PRRX1: variants seen among roughly 807,000 people sequenced by gnomAD.
PRRX1 encodes paired mesoderm homeobox protein 1.
Under a neutral mutation model 24.0 loss-of-function variants are expected in PRRX1, and 8 were observed. The ratio of observed to expected loss-of-function variants is 0.33; its 90% CI spans 0.20 to 0.60. The LOEUF (loss-of-function observed/expected upper bound fraction) is 0.60. Among genes scored for constraint, PRRX1 ranks in the 20% least tolerant of loss-of-function variants. The pLI, the probability that PRRX1 is intolerant of heterozygous loss-of-function variation, is 0.82. For synonymous variants in PRRX1, 160 were observed against 131.7 expected, an observed-to-expected ratio of 1.22 and a Z score of -1.47; for missense variants, 281 against 322.4, an observed-to-expected ratio of 0.87 and a Z score of 0.98.
chr1:170,688,305 AACTGG>A (rs780399732), intron 1 of PRRX1, among the ~76,000 whole-genome samples: 10 of 152,090 alleles, frequency 6.6e-5, no homozygotes, highest in Non-Finnish European at 1.2e-4. Flanking sequence ...ATATTTCTGA[AACTGG>A]ACTGTACTGA....
At chr1:170,720,744 G>A (rs1466609959) in intron 2 of PRRX1, among the ~76,000 whole-genome samples, 2 of 152,160 alleles carry the variant, frequency 1.3e-5, no homozygotes, top group Non-Finnish European at 1.5e-5. Flanking sequence ...TTTTCCTTCA[G>A]TGTCTCTGTG....
chr1:170,674,793 A>C (rs989445124), intron 1 of PRRX1, among the ~76,000 whole-genome samples: 1 of 152,162 alleles, frequency 6.6e-6, no homozygotes, highest in Non-Finnish European at 1.5e-5. Context: ...CCAAAGTGTA[A>C]TACATGTTCA....
intron 3 of PRRX1, among the ~76,000 whole-genome samples, chr1:170,735,437 C>T (rs1227556819): frequency 3.9e-5 from 6 of 152,130 alleles, no homozygotes; most frequent in African/African-American, 1.2e-4. Context: ...AAATCAAGGC[C>T]AGTGGCTTAG....
At position 170,737,508 on chromosome 1, in the gene PRRX1, C is replaced by A; in HGVS notation, c.*1322C>A. On this transcript the variant is annotated 3_prime_UTR_variant, in exon 4 of 4. Coordinates refer to ENST00000239461, the MANE Select transcript of PRRX1 (RefSeq NM_022716.4). ...TTGCAGTTAGAGAGAGTAAGGAATACCATTTAGTCATCTATCCGTTCTTCA... is the reference window on the plus strand; with the variant it reads ...TTGCAGTTAGAGAGAGTAAGGAATAACATTTAGTCATCTATCCGTTCTTCA... The A allele has an allele frequency of 4.8e-6, 1 of 207,422 alleles. No homozygotes were observed. Among genetic ancestry groups the A allele is most frequent in the Non-Finnish European group, 9.8e-6 (1 of 101,638 alleles). The allele number at this position is 207,422 out of a possible 1,614,324, so 12.8% of individuals were successfully genotyped here.
chr1:170,705,962 AC>A (rs1654550648), intron 1 of PRRX1, among the ~76,000 whole-genome samples: 1 of 150,288 alleles, frequency 6.7e-6, no homozygotes, highest in African/African-American at 2.5e-5. Context: ...ACACACACAC[AC>A]ACACAAACAT....
Position 170,737,331 on chromosome 1 carries a change from A to C in PRRX1, c.*1145A>C, listed in dbSNP as rs908164961. 1.1e-4 allele frequency: 21 copies of C among 190,502 alleles called. No individual in the cohort carries two copies. The highest frequency in any genetic ancestry group is 1.9e-4 in the Non-Finnish European group (17 of 90,694). The allele number at this position is 190,502 out of a possible 1,614,324, so 11.8% of individuals were successfully genotyped here. A position where few individuals can be genotyped will look rare whatever the true frequency, so the allele number is the denominator to read the frequency against. ...TACACGAAGTTTTCATTAAAGCCAC[A>C]GAATAATTGATAGGGCAGCTGTTTG... On this transcript the variant is annotated 3_prime_UTR_variant, in exon 4 of 4. Coordinates refer to ENST00000239461, the MANE Select transcript of PRRX1 (RefSeq NM_022716.4).
At position 170,680,863 on chromosome 1, in the gene PRRX1, C is replaced by T. The variant is rs187094831; in HGVS notation, c.241+16404C>T. 3.9e-5 allele frequency among the ~76,000 whole-genome samples: 6 copies of T among 152,326 alleles called. No individual in the cohort carries two copies. In the East Asian group the frequency reaches 1.2e-3, roughly 29 times the overall value. On this transcript the variant is annotated intron_variant, in intron 1 of 3. Coordinates refer to ENST00000239461, the MANE Select transcript of PRRX1 (RefSeq NM_022716.4). ...GCATATTGCTTCCATAGAAAGACAA[C>T]TCCAGAACCATGTAGGAGTGACTTC...
intron 2 of PRRX1, among the ~76,000 whole-genome samples, chr1:170,720,871 G>T (rs957870019): frequency 1.3e-5 from 2 of 152,140 alleles, no homozygotes; most frequent in Non-Finnish European, 2.9e-5. Context: ...TACAACCTGC[G>T]ATTAACTCAT....
intron 1 of PRRX1, among the ~76,000 whole-genome samples, chr1:170,674,236 G>A (rs554978675): frequency 8.7e-4 from 130 of 150,280 alleles, no homozygotes; most frequent in South Asian, 1.9e-3. Context: ...GCTTGCGCAC[G>A]CACGCACACA....
intron 1 of PRRX1, among the ~76,000 whole-genome samples, chr1:170,711,547 T>C (rs1432360634): frequency 1.3e-5 from 2 of 152,226 alleles, no homozygotes; most frequent in Non-Finnish European, 2.9e-5. Context: ...TTAGAACCTG[T>C]GCTTACCAGA....
chr1:170,734,000 A>G (rs1655523687), intron 3 of PRRX1, among the ~76,000 whole-genome samples: 1 of 152,078 alleles, frequency 6.6e-6, no homozygotes. Context: ...TTAACTGGGA[A>G]CTCTTCTGCT....
intron 3 of PRRX1, chr1:170,730,488 G>A: frequency 1.4e-6 from 1 of 690,550 alleles, no homozygotes; most frequent in African/African-American, 1.8e-5. Flanking sequence ...TTGGTAACCA[G>A]AGCTGCAAGA....
At chr1:170,723,348 C>A (rs572685717) in intron 2 of PRRX1, among the ~76,000 whole-genome samples, 34 of 150,508 alleles carry the variant, frequency 2.3e-4, no homozygotes, top group African/African-American at 8.3e-4. Flanking sequence ...TTCTCCCATA[C>A]CTTGTTATAC....
intron 1 of PRRX1, among the ~76,000 whole-genome samples, chr1:170,676,342 CT>C (rs1653319072): frequency 6.8e-6 from 1 of 147,008 alleles, no homozygotes; most frequent in East Asian, 2.0e-4. Context: ...TTTTTTTTTT[CT>C]TTACTTCACA....
At chr1:170,704,025 T>C (rs185057492) in intron 1 of PRRX1, among the ~76,000 whole-genome samples, 6 of 152,320 alleles carry the variant, frequency 3.9e-5, no homozygotes, top group Admixed American at 2.0e-4. Flanking sequence ...AAGGTAAAAC[T>C]AATCAACTTA....
intron 1 of PRRX1, among the ~76,000 whole-genome samples, chr1:170,699,522 G>C (rs80071911): frequency 0.023 from 3,540 of 152,100 alleles, 137 homozygotes; most frequent in African/African-American, 0.076. Flanking sequence ...TGGGCAATGG[G>C]ATTGGGGAAA....
chr1:170,738,258 G>T lies in PRRX1; in HGVS notation c.*2072G>T, dbSNP rs1655687133. On this transcript the variant is annotated 3_prime_UTR_variant, in exon 4 of 4. Transcript: ENST00000239461. ...TAAGATGCACTTTTAGCACACATTT[G>T]TATTTCCCTTGGCATATCAGATTGA... 4.4e-6 allele frequency: 1 copy of T among 225,116 alleles called. No individual in the cohort carries two copies. The highest frequency in any genetic ancestry group is 2.2e-5 in the African/African-American group (1 of 44,912). 13.9% of individuals were successfully genotyped at this position (225,116 alleles called of 1,614,324 possible).
At chr1:170,684,236 A>T (rs662871) in intron 1 of PRRX1, among the ~76,000 whole-genome samples, 58,310 of 151,956 alleles carry the variant, frequency 0.38, 11,629 homozygotes, top group Middle Eastern at 0.53. Context: ...AACTTCTTCC[A>T]GTCTTTTATT....
intron 1 of PRRX1, among the ~76,000 whole-genome samples, chr1:170,682,667 C>T (rs1294859814): frequency 6.6e-6 from 1 of 152,032 alleles, no homozygotes; most frequent in African/African-American, 2.4e-5. Context: ...ATGTGCCAGT[C>T]ATTATGCTAG....
Sources: allele counts gnomAD v4.1 joint callset (sites outside exome capture counted in the v4.1 genomes callset), GRCh38; gene constraint gnomAD v4.1.1; transcripts MANE v1.5; gene names NCBI Gene and HGNC (gene_info 2026-07-23, HGNC 2026-07-21).